SLC3A2: variants seen among roughly 807,000 people sequenced by gnomAD.
SLC3A2 encodes solute carrier family 3 member 2.
SLC3A2 carries 32 observed loss-of-function variants against 48.5 expected under a neutral mutation model. That is an observed-to-expected ratio of 0.66 (90% CI 0.50 to 0.89). SLC3A2 has a LOEUF of 0.89. Ranked by LOEUF, SLC3A2 falls within the 40% of genes least tolerant of loss-of-function variation. SLC3A2 has a pLI of 0.00. For synonymous variants in SLC3A2, 277 were observed against 288.8 expected (o/e 0.96, Z 0.41); for missense variants, 587 against 680.7 (o/e 0.86, Z 1.53).
Position 62,881,701 on chromosome 11 carries a change from T to C in SLC3A2, c.425-192T>C. The C allele has an allele frequency of 1.2e-6, 1 of 828,446 alleles. No individual in the cohort carries two copies. The highest frequency in any genetic ancestry group is 1.8e-6 in the Non-Finnish European group (1 of 547,878). The allele number at this position is 828,446 out of a possible 1,614,324, so 51.3% of individuals were successfully genotyped here. The stretch of plus-strand genomic sequence containing the variant: ...CCTTCCCCGCGGCGCCAGAAGCCAG[T>C]TGCAACCGGTTTCTGAAGTAATGTG... On this transcript the variant is annotated intron_variant, in intron 1 of 8. Coordinates refer to ENST00000338663, the MANE Select transcript of SLC3A2 (RefSeq NM_001013251.3). The surrounding 1 kb of genome is among the most constrained non-coding windows in gnomAD (Gnocchi z 4.0).
chr11:62,863,607 C>G (rs2085423779), intron 1 of SLC3A2, among the ~76,000 whole-genome samples: 1 of 152,204 alleles, frequency 6.6e-6, no homozygotes, highest in Non-Finnish European at 1.5e-5. Flanking sequence ...GGTATCTGGG[C>G]TACCTGCTCA....
At chr11:62,879,214 T>C (rs963599282), upstream of SLC3A2, among the ~76,000 whole-genome samples, 4 of 152,006 alleles carry the variant, frequency 2.6e-5, no homozygotes, top group African/African-American at 9.7e-5. Context: ...CAGGGATTAG[T>C]AGGTGGGATT....
At position 62,856,161 on chromosome 11, in the gene SLC3A2, A is replaced by G. The variant is rs2085315838; in HGVS notation, c.-109A>G. The G allele has an allele frequency of 3.6e-6, 3 of 823,596 alleles. No homozygotes were observed. In the East Asian group the frequency reaches 8.0e-5, roughly 22 times the overall value. 51.0% of individuals were successfully genotyped at this position (823,596 alleles called of 1,614,324 possible). A position where few individuals can be genotyped will look rare whatever the true frequency, so the allele number is the denominator to read the frequency against. On this transcript the variant is annotated 5_prime_UTR_variant, in exon 1 of 10. Coordinates refer to the SLC3A2 transcript ENST00000377889. ...TGCATGTGGCAGGAGCGGTGAGATC[A>G]CTGCCTCACGGCGATCCTGGACTGA...
intron 1 of SLC3A2, among the ~76,000 whole-genome samples, chr11:62,866,069 A>G (rs2134980256): frequency 6.6e-6 from 1 of 151,110 alleles, no homozygotes; most frequent in East Asian, 1.9e-4. Context: ...GGTCTCACAT[A>G]GTACAGTATA....
chr11:62,865,943 G>T (rs1002035366), intron 1 of SLC3A2, among the ~76,000 whole-genome samples: 2 of 152,084 alleles, frequency 1.3e-5, no homozygotes, highest in Non-Finnish European at 2.9e-5. Context: ...GCTGTGGACT[G>T]CTCAGAAGCC....
At chr11:62,863,589 G>A (rs1286212225) in intron 1 of SLC3A2, among the ~76,000 whole-genome samples, 1 of 152,216 alleles carries the variant, frequency 6.6e-6, no homozygotes, top group Non-Finnish European at 1.5e-5. Context: ...ACTGCAGTGG[G>A]TAACATGGGT....
intron 1 of SLC3A2, among the ~76,000 whole-genome samples, chr11:62,862,535 C>T (rs544729695): frequency 2.0e-5 from 3 of 151,786 alleles, no homozygotes; most frequent in Non-Finnish European, 2.9e-5. Context: ...CTCCCCCAAG[C>T]CTAAACTACC....
chr11:62,878,614 C>T (rs1458651364), upstream of SLC3A2, among the ~76,000 whole-genome samples: 3 of 150,684 alleles, frequency 2.0e-5, no homozygotes, highest in East Asian at 3.9e-4. Flanking sequence ...TACAGGCACC[C>T]GCCACCACGC....
chr11:62,870,505 A>C (rs1322880908), intron 1 of SLC3A2, among the ~76,000 whole-genome samples: 1 of 151,776 alleles, frequency 6.6e-6, no homozygotes, highest in Non-Finnish European at 1.5e-5. Context: ...TTAGAATATA[A>C]TTTTGTGATT....
At chr11:62,859,239 T>C (rs528165917) in intron 1 of SLC3A2, among the ~76,000 whole-genome samples, 13 of 152,290 alleles carry the variant, frequency 8.5e-5, no homozygotes, top group African/African-American at 2.9e-4. Flanking sequence ...GTGATGACTC[T>C]TAAGGAGCAT....
At chr11:62,860,008 GTATT>G (rs779702229) in intron 1 of SLC3A2, among the ~76,000 whole-genome samples, 5 of 152,188 alleles carry the variant, frequency 3.3e-5, no homozygotes, top group Non-Finnish European at 2.9e-5. Context: ...AGTTCCCTCA[GTATT>G]TATTGATCAC....
In SLC3A2 at chr11:62,880,943, G is replaced by C; in HGVS notation, c.-81G>C. 2 of 1,483,352 alleles carry C rather than the reference G, an allele frequency of 1.3e-6. No individual in the cohort carries two copies. The highest frequency in any genetic ancestry group is 1.8e-6 in the Non-Finnish European group (2 of 1,117,992). The allele number at this position is 1,483,352 out of a possible 1,614,324, so 91.9% of individuals were successfully genotyped here. ...CGGAGGCACAGAGGCCGGGGAGAGCGTTCTGGGTCCGAGGGTCCAGGTAGG... is the reference window on the plus strand; with the variant it reads ...CGGAGGCACAGAGGCCGGGGAGAGCCTTCTGGGTCCGAGGGTCCAGGTAGG... On this transcript the variant is annotated 5_prime_UTR_variant, in exon 1 of 9. Coordinates refer to ENST00000338663, the MANE Select transcript of SLC3A2 (RefSeq NM_001013251.3).
At chr11:62,857,937 A>G in intron 1 of SLC3A2, among the ~76,000 whole-genome samples, 1 of 152,128 alleles carries the variant, frequency 6.6e-6, no homozygotes, top group East Asian at 1.9e-4. Flanking sequence ...CAATTCATGA[A>G]AGATGGGCAA....
intron 1 of SLC3A2, among the ~76,000 whole-genome samples, chr11:62,861,910 CAA>C (rs1189861840): frequency 2.5e-4 from 15 of 59,184 alleles, no homozygotes; most frequent in African/African-American, 5.4e-4. Context: ...AAACCTCTCT[CAA>C]AAAAAAAAAA....
chr11:62,865,587 G>A (rs1234431588), intron 1 of SLC3A2, among the ~76,000 whole-genome samples: 1 of 144,674 alleles, frequency 6.9e-6, no homozygotes, highest in Non-Finnish European at 1.5e-5. Context: ...AAAAAAAGTT[G>A]GCTTAGATCC....
Position 62,881,105 on chromosome 11 carries a change from T to C in SLC3A2, c.82T>C (p.Ser28Pro). ...EPEKQPMNAASGAAMSLAGAE... is the reference protein window; with the variant it reads ...EPEKQPMNAAPGAAMSLAGAE... ...CGAGAAGCAGCCGATGAACGCGGCGTCTGGGGCGGCCATGTCCCTGGCGGG... is the reference window on the plus strand; with the variant it reads ...CGAGAAGCAGCCGATGAACGCGGCGCCTGGGGCGGCCATGTCCCTGGCGGG... Residue 28 changes from serine (S) to proline (P), a missense_variant, in exon 1 of 9, where the codon TCT (serine) becomes CCT (proline). This residue lies in a region of SLC3A2 where 409 missense variants were observed against 446.7 expected (regional missense o/e 0.92). Coordinates refer to ENST00000338663, the MANE Select transcript of SLC3A2 (RefSeq NM_001013251.3). The surrounding 1 kb of genome is among the most constrained non-coding windows in gnomAD (Gnocchi z 4.0). 6.2e-7 allele frequency: 1 copy of C among 1,608,602 alleles called. No homozygotes were observed. The highest frequency in any genetic ancestry group is 1.1e-5 in the South Asian group (1 of 89,866).
At chr11:62,863,171 T>G (rs571453366) in intron 1 of SLC3A2, among the ~76,000 whole-genome samples, 1 of 152,316 alleles carries the variant, frequency 6.6e-6, no homozygotes, top group African/African-American at 2.4e-5. Flanking sequence ...TCAGCCTGGC[T>G]TAGCCTCCTA....
intron 7 of SLC3A2, among the ~76,000 whole-genome samples, chr11:62,886,991 G>T (rs1000336929): frequency 9.2e-5 from 14 of 151,942 alleles, no homozygotes; most frequent in African/African-American, 2.9e-4. Context: ...TCCCACCTTG[G>T]CCTCCCAAAC....
At chr11:62,866,432 A>G (rs1189359043) in intron 1 of SLC3A2, among the ~76,000 whole-genome samples, 3 of 133,772 alleles carry the variant, frequency 2.2e-5, no homozygotes, top group East Asian at 2.2e-4. Flanking sequence ...GTCTCACTCT[A>G]TTGCCCAGGC....
Sources: allele counts gnomAD v4.1 joint callset (sites outside exome capture counted in the v4.1 genomes callset), GRCh38; gene constraint gnomAD v4.1.1; regional missense constraint gnomAD v4.1.1; non-coding constraint Gnocchi (gnomAD v3.1); transcripts MANE v1.5; gene names NCBI Gene and HGNC (gene_info 2026-07-23, HGNC 2026-07-21).